EPM2A: variants seen among roughly 807,000 people sequenced by gnomAD.
EPM2A encodes EPM2A glucan phosphatase, laforin, also known as laforin.
In EPM2A, 21 loss-of-function variants were observed where a neutral mutation model predicts 26.5. The observed-to-expected ratio is 0.79, with a 90% CI of 0.56 to 1.14. EPM2A has a LOEUF of 1.14. Among genes scored for constraint, EPM2A ranks in the 50% most tolerant of loss-of-function variants. The pLI is 0.00. For missense variants in EPM2A, 458 were observed against 440.8 expected (o/e 1.04, Z -0.35); for synonymous variants, 217 against 177.6 (o/e 1.22, Z -1.76).
chr6:145,551,093 C>T (rs1780649018), intron 2 of EPM2A, among the ~76,000 whole-genome samples: 1 of 151,998 alleles, frequency 6.6e-6, no homozygotes, highest in Admixed American at 6.6e-5. Context: ...CCACAGAAGT[C>T]TGAGTAAAAT....
chr6:145,690,500 G>A (rs558058440), intron 1 of EPM2A, among the ~76,000 whole-genome samples: 3 of 122,792 alleles, frequency 2.4e-5, no homozygotes, highest in African/African-American at 9.5e-5. Flanking sequence ...CTGGGCGACA[G>A]AGCGAGACTC....
intron 1 of EPM2A, among the ~76,000 whole-genome samples, chr6:145,686,507 C>G (rs1285903669): frequency 6.6e-6 from 1 of 152,054 alleles, no homozygotes; most frequent in Non-Finnish European, 1.5e-5. Context: ...GTTTTTTACT[C>G]CCTTTGAGTA....
intron 2 of EPM2A, among the ~76,000 whole-genome samples, chr6:145,684,392 G>A (rs572365406): frequency 2.0e-5 from 3 of 152,278 alleles, no homozygotes; most frequent in East Asian, 3.9e-4. Flanking sequence ...TTCAGGAAAT[G>A]TGGTTCAGGA....
At chr6:145,522,822 T>A (rs1780220542) in intron 2 of EPM2A, among the ~76,000 whole-genome samples, 1 of 150,016 alleles carries the variant, frequency 6.7e-6, no homozygotes, top group Non-Finnish European at 1.5e-5. Context: ...TGAACTACAA[T>A]AAACTCCTCA....
intron 2 of EPM2A, among the ~76,000 whole-genome samples, chr6:145,593,947 A>G (rs1781307625): frequency 6.6e-6 from 1 of 151,556 alleles, no homozygotes; most frequent in South Asian, 2.1e-4. Context: ...TTAAAATATA[A>G]AACAATAGAA....
chr6:145,734,046 T>C (rs144693605), intron 1 of EPM2A, among the ~76,000 whole-genome samples: 1 of 123,146 alleles, frequency 8.1e-6, no homozygotes, highest in African/African-American at 2.6e-5. Flanking sequence ...CAGTCTTTAA[T>C]GAAGTGTTAA....
At chr6:145,523,141 G>T (rs1780226452) in intron 2 of EPM2A, among the ~76,000 whole-genome samples, 1 of 152,106 alleles carries the variant, frequency 6.6e-6, no homozygotes, top group East Asian at 1.9e-4. Flanking sequence ...GCAGAACTTT[G>T]TTTTTTCAGT....
At chr6:145,429,836 T>C (rs937038606) in intron 4 of EPM2A, among the ~76,000 whole-genome samples, 1 of 152,196 alleles carries the variant, frequency 6.6e-6, no homozygotes, top group African/African-American at 2.4e-5. Context: ...ATGGCTCAGA[T>C]GAAAATCAAA....
intron 2 of EPM2A, among the ~76,000 whole-genome samples, chr6:145,518,897 T>A (rs1372637461): frequency 6.6e-6 from 1 of 151,928 alleles, no homozygotes; most frequent in Non-Finnish European, 1.5e-5. Context: ...CAACCAGACA[T>A]ACAGAAGTTG....
intron 2 of EPM2A, among the ~76,000 whole-genome samples, chr6:145,542,480 G>A (rs1008696286): frequency 6.6e-6 from 1 of 152,150 alleles, no homozygotes; most frequent in African/African-American, 2.4e-5. Context: ...AACATATGCA[G>A]GTGAAAATAG....
At chr6:145,452,425 C>T (rs1305404472) in intron 4 of EPM2A, among the ~76,000 whole-genome samples, 1 of 136,120 alleles carries the variant, frequency 7.3e-6, no homozygotes, top group Non-Finnish European at 1.5e-5. Flanking sequence ...GCGGGCAGAG[C>T]ACGAGGTCAG....
chr6:145,606,234 T>C (rs1775254828), intron 2 of EPM2A, among the ~76,000 whole-genome samples: 2 of 152,132 alleles, frequency 1.3e-5, no homozygotes, highest in South Asian at 2.1e-4. Context: ...TAAACTTTTG[T>C]AGTCAGCACA....
chr6:145,493,842 A>G (rs61182091), intron 4 of EPM2A, among the ~76,000 whole-genome samples: 10,545 of 152,294 alleles, frequency 0.069, 1,221 homozygotes, highest in African/African-American at 0.23. Flanking sequence ...AGCCTAGCTC[A>G]TCATGGTGGA....
At chr6:145,535,379 A>G (rs752463855) in intron 2 of EPM2A, among the ~76,000 whole-genome samples, 25 of 152,224 alleles carry the variant, frequency 1.6e-4, no homozygotes, top group Non-Finnish European at 2.9e-4. Context: ...GCACATTGCA[A>G]TCACCTGGGG....
At chr6:145,659,035 C>T (rs1347583302) in intron 2 of EPM2A, among the ~76,000 whole-genome samples, 2 of 152,078 alleles carry the variant, frequency 1.3e-5, no homozygotes, top group East Asian at 1.9e-4. Flanking sequence ...GAAGGAATAC[C>T]AGCCACTTGA....
At chr6:145,656,662 GATGTCA>G (rs1199819973) in intron 2 of EPM2A, among the ~76,000 whole-genome samples, 1 of 152,184 alleles carries the variant, frequency 6.6e-6, no homozygotes, top group African/African-American at 2.4e-5. Context: ...ATGATGACAT[GATGTCA>G]ACATCATAGA....
intron 4 of EPM2A, among the ~76,000 whole-genome samples, chr6:145,445,987 T>G (rs577244326): frequency 6.6e-6 from 1 of 152,208 alleles, no homozygotes; most frequent in Non-Finnish European, 1.5e-5. Flanking sequence ...GCAAACCAGT[T>G]ACCACATAAG....
intron 2 of EPM2A, among the ~76,000 whole-genome samples, chr6:145,672,352 C>T (rs1779706605): frequency 6.6e-6 from 1 of 151,996 alleles, no homozygotes; most frequent in African/African-American, 2.4e-5. Context: ...AAGACGGTAA[C>T]AATAAAATTA....
intron 2 of EPM2A, among the ~76,000 whole-genome samples, chr6:145,681,685 T>C (rs200897218): frequency 2.6e-5 from 4 of 151,824 alleles, no homozygotes; most frequent in South Asian, 2.1e-4. Flanking sequence ...TCAGGTTTGT[T>C]AAAGATCAGA....
Sources: gnomAD v4.1 joint callset for allele counts (sites outside exome capture counted in the v4.1 genomes callset) on GRCh38, gnomAD v4.1.1 for gene constraint, MANE v1.5 for transcripts, NCBI Gene and HGNC (gene_info 2026-07-23, HGNC 2026-07-21) for gene names.